GALNTL6: variants seen among roughly 807,000 people sequenced by gnomAD.
GALNTL6 encodes the protein polypeptide N-acetylgalactosaminyltransferase-like 6.
In GALNTL6, 46 loss-of-function variants were observed where a neutral mutation model predicts 73.7. The observed-to-expected ratio is 0.62, with a 90% CI of 0.49 to 0.80. GALNTL6 has a LOEUF of 0.80. GALNTL6 is among the 30% of genes least tolerant of loss of function. The probability of loss-of-function intolerance (pLI) is 0.00; values close to 1 mark genes in which losing one functional copy is unlikely to be tolerated. For missense variants in GALNTL6, 604 were observed against 755.0 expected (o/e 0.80, Z 2.34); for synonymous variants, 259 against 263.7 (o/e 0.98, Z 0.17).
At chr4:172,881,515 C>A (rs1745448179) in intron 7 of GALNTL6, among the ~76,000 whole-genome samples, 1 of 152,156 alleles carries the variant, frequency 6.6e-6, no homozygotes, top group African/African-American at 2.4e-5. Flanking sequence ...CATGCAAACT[C>A]TTTGAAATAT....
chr4:171,838,134 A>AT lies in GALNTL6; in HGVS notation c.138+23422dup, dbSNP rs201226304. On this transcript the variant is annotated intron_variant, in intron 2 of 12. Coordinates refer to ENST00000506823, the MANE Select transcript of GALNTL6 (RefSeq NM_001034845.3). ...TATTTATTTATTTATTTATTTATTT[A>AT]TTTTTTGAGACAGAGTTTCGCTCTT... Among the ~76,000 whole-genome samples, 252 of 150,696 alleles carry AT rather than the reference A, an allele frequency of 1.7e-3. 1 individual carries two copies. The highest frequency in any genetic ancestry group is 5.7e-3 in the African/African-American group (233 of 40,526).
At chr4:172,810,377 C>CA (rs200818131) in intron 6 of GALNTL6, among the ~76,000 whole-genome samples, 1,914 of 151,760 alleles carry the variant, frequency 0.013, 44 homozygotes, top group African/African-American at 0.041. Context: ...AGCTCGAAAA[C>CA]AAAAAAAACC....
At chr4:172,638,485 C>A (rs1185512900) in intron 5 of GALNTL6, among the ~76,000 whole-genome samples, 1 of 151,950 alleles carries the variant, frequency 6.6e-6, no homozygotes, top group Non-Finnish European at 1.5e-5. Context: ...CTCTGACCAC[C>A]ACCTCCTGCG....
At chr4:171,865,077 C>T (rs1053567465) in intron 2 of GALNTL6, among the ~76,000 whole-genome samples, 2 of 151,546 alleles carry the variant, frequency 1.3e-5, no homozygotes, top group Non-Finnish European at 2.9e-5. Context: ...CCCCGGGAGG[C>T]GGAGATTGCC....
chr4:172,832,962 C>G (rs1742717622), intron 7 of GALNTL6, among the ~76,000 whole-genome samples: 1 of 152,168 alleles, frequency 6.6e-6, no homozygotes, highest in African/African-American at 2.4e-5. Context: ...GAAGACCTAT[C>G]TTGTGCAGGC....
At position 172,341,428 on chromosome 4, in the gene GALNTL6, G is replaced by A. The variant is rs186956734; in HGVS notation, c.387-7095G>A. Among the ~76,000 whole-genome samples, 421 of 140,344 alleles carry A rather than the reference G, an allele frequency of 3.0e-3. 2 individuals carry two copies. The highest frequency in any genetic ancestry group is 0.018 in the Middle Eastern group (5 of 280). 92.1% of individuals were successfully genotyped at this position (140,344 alleles called of 152,430 possible). The stretch of plus-strand genomic sequence containing the variant: ...ATCCCGCCACTGCACTCCAGCCTGG[G>A]CGACAGAGCGAGACTCCGTCTCAAA... On this transcript the variant is annotated intron_variant, in intron 4 of 12. Transcript: ENST00000506823.
chr4:172,007,091 T>A (rs970281486), intron 2 of GALNTL6, among the ~76,000 whole-genome samples: 6 of 152,186 alleles, frequency 3.9e-5, no homozygotes, highest in African/African-American at 1.4e-4. Context: ...AAATTGCCAC[T>A]GTGGTTATTT....
At chr4:172,951,338 T>C (rs1048460665) in intron 9 of GALNTL6, among the ~76,000 whole-genome samples, 1 of 152,202 alleles carries the variant, frequency 6.6e-6, no homozygotes, top group African/African-American at 2.4e-5. Flanking sequence ...AGGGCTGAGC[T>C]TCCTACACTG....
chr4:172,174,848 G>A (rs1321583691), intron 2 of GALNTL6, among the ~76,000 whole-genome samples: 1 of 152,038 alleles, frequency 6.6e-6, no homozygotes, highest in African/African-American at 2.4e-5. Flanking sequence ...TATATATTGT[G>A]CATATATATG....
chr4:172,405,267 A>T (rs139416787), intron 5 of GALNTL6, among the ~76,000 whole-genome samples: 3,343 of 150,534 alleles, frequency 0.022, 64 homozygotes, highest in Middle Eastern at 0.046. Flanking sequence ...GGAATCTATG[A>T]CTTAAAAGAA....
Position 173,039,958 on chromosome 4 carries a change from G to A in GALNTL6, c.1664G>A (p.Ser555Asn), listed in dbSNP as rs1414879734. The change falls in exon 13 of 13, where the codon AGC (serine) becomes AAC (asparagine). Residue 555 changes from serine (S) to asparagine (N), a missense_variant. By Grantham distance (46) the Ser-to-Asn change is conservative (BLOSUM62 1). Transcript: ENST00000506823. The stretch of plus-strand genomic sequence containing the variant: ...GACAGAACATTATTCCATCCTGTGA[G>A]CAACAGCTGCATGGATTGCAACCCC... ...RKDRTLFHPV[S>N]NSCMDCNPAE... is the part of the protein sequence containing the mutation. 2.5e-6 allele frequency: 4 copies of A among 1,613,710 alleles called. No individual in the cohort carries two copies. The South Asian group carries it at 4.4e-5, about 18-fold the overall frequency.
chr4:172,390,965 G>A (rs1743646139), intron 5 of GALNTL6, among the ~76,000 whole-genome samples: 2 of 152,074 alleles, frequency 1.3e-5, no homozygotes, highest in Admixed American at 1.3e-4. Context: ...AAGAACAGTG[G>A]TTAATTGTAT....
intron 2 of GALNTL6, among the ~76,000 whole-genome samples, chr4:172,174,596 T>A (rs1044162055): frequency 6.6e-6 from 1 of 152,154 alleles, no homozygotes; most frequent in Non-Finnish European, 1.5e-5. Flanking sequence ...ATTTAATGAC[T>A]ATTGATAAAA....
At chr4:172,352,035 G>A (rs1054926885) in intron 5 of GALNTL6, among the ~76,000 whole-genome samples, 3 of 152,082 alleles carry the variant, frequency 2.0e-5, no homozygotes, top group Non-Finnish European at 2.9e-5. Context: ...ATTAGCATGA[G>A]CCACTTGCTG....
In GALNTL6 at chr4:171,866,984, G is replaced by A. The variant is rs1735987812; in HGVS notation, c.138+52266G>A. Among the ~76,000 whole-genome samples the A allele has an allele frequency of 2.0e-5, 3 of 151,954 alleles. No individual in the cohort carries two copies. The South Asian group carries it at 6.2e-4, about 31-fold the overall frequency. On this transcript the variant is annotated intron_variant, in intron 2 of 12. Transcript: ENST00000506823. ...CAAAATAAGTATACCAACATAATTA[G>A]CATTTTTATAAACTAATAATTATTA...
chr4:171,985,866 C>T (rs993786382), intron 2 of GALNTL6, among the ~76,000 whole-genome samples: 15 of 151,364 alleles, frequency 9.9e-5, no homozygotes, highest in African/African-American at 3.6e-4. Context: ...GGTGAAACCC[C>T]ATCTCTACTA....
intron 2 of GALNTL6, among the ~76,000 whole-genome samples, chr4:171,823,554 T>C (rs929790013): frequency 7.2e-6 from 1 of 138,346 alleles, no homozygotes; most frequent in African/African-American, 2.5e-5. Context: ...CTATAAACTG[T>C]GAATATATAT....
At chr4:172,908,609 A>AAT (rs1554001444) in intron 8 of GALNTL6, among the ~76,000 whole-genome samples, 8 of 145,870 alleles carry the variant, frequency 5.5e-5, no homozygotes, top group Non-Finnish European at 6.1e-5. Context: ...CATGAGCGTG[A>AAT]GTGTGTGTGT....
Position 172,510,777 on chromosome 4 carries a change from A to C in GALNTL6, c.553+162088A>C, listed in dbSNP as rs182309286. Among the ~76,000 whole-genome samples, 203 of 55,464 alleles carry C rather than the reference A, an allele frequency of 3.7e-3. 99 individuals carry two copies. The East Asian group carries it at 0.47, about 129-fold the overall frequency. The allele number at this position is 55,464 out of a possible 152,430, so 36.4% of individuals were successfully genotyped here. A position where few individuals can be genotyped will look rare whatever the true frequency, so the allele number is the denominator to read the frequency against. ...CTTGCATATGTTAAACTATCTCTGC[A>C]TCCCTAGGATGAAACCCACTTGATC... is the stretch of plus-strand genomic sequence containing the variant. On this transcript the variant is annotated intron_variant, in intron 5 of 12. Coordinates refer to ENST00000506823, the MANE Select transcript of GALNTL6 (RefSeq NM_001034845.3).
Sources: allele counts gnomAD v4.1 joint callset (sites outside exome capture counted in the v4.1 genomes callset), GRCh38; gene constraint gnomAD v4.1.1; transcripts MANE v1.5; gene names NCBI Gene and HGNC (gene_info 2026-07-23, HGNC 2026-07-21).